Variants in SEMA3A observed in about 807,000 individuals in gnomAD.
The protein encoded by SEMA3A is semaphorin-3A.
A neutral mutation model predicts 97.9 loss-of-function variants in SEMA3A; 29 were observed. That is an observed-to-expected ratio of 0.30 (90% CI 0.22 to 0.40). SEMA3A has a LOEUF of 0.40. Ranked by LOEUF, SEMA3A falls within the 10% of genes least tolerant of loss-of-function variation. The pLI is 1.00. For synonymous variants in SEMA3A, 321 were observed against 323.7 expected (o/e 0.99, Z 0.09); for missense variants, 763 against 951.3 (o/e 0.80, Z 2.60).
intron 1 of SEMA3A, among the ~76,000 whole-genome samples, chr7:84,165,607 C>T (rs757515650): frequency 6.6e-6 from 1 of 152,100 alleles, no homozygotes; most frequent in Non-Finnish European, 1.5e-5. Context: ...GGCTGCAGTG[C>T]AGTGTCGCGA....
chr7:84,156,146 T>C (rs966817504), intron 1 of SEMA3A, among the ~76,000 whole-genome samples: 3 of 152,112 alleles, frequency 2.0e-5, no homozygotes, highest in Admixed American at 6.6e-5. Context: ...CATATCATCC[T>C]TTAAAATCAA....
intron 2 of SEMA3A, among the ~76,000 whole-genome samples, chr7:84,319,405 G>T (rs1180031225): frequency 6.6e-6 from 1 of 151,868 alleles, no homozygotes; most frequent in Non-Finnish European, 1.5e-5. Context: ...ACAGGAAGGG[G>T]GAAGGGGGTA....
intron 1 of SEMA3A, among the ~76,000 whole-genome samples, chr7:84,140,679 T>C (rs1796269545): frequency 6.6e-6 from 1 of 152,126 alleles, no homozygotes; most frequent in Admixed American, 6.6e-5. Flanking sequence ...TATTTGTAAA[T>C]ATTGGAAAGT....
intron 15 of SEMA3A, among the ~76,000 whole-genome samples, chr7:83,972,982 G>A (rs774632936): frequency 3.3e-5 from 5 of 152,066 alleles, no homozygotes; most frequent in Non-Finnish European, 5.9e-5. Context: ...ATTCTAAGAC[G>A]CACACTTCTT....
At chr7:84,051,029 G>A (rs1792612054) in intron 5 of SEMA3A, among the ~76,000 whole-genome samples, 1 of 151,826 alleles carries the variant, frequency 6.6e-6, no homozygotes, top group Non-Finnish European at 1.5e-5. Flanking sequence ...TAGATATGTG[G>A]CATTATTTCG....
chr7:84,181,319 AATAT>A (rs56661080), intron 1 of SEMA3A, among the ~76,000 whole-genome samples: 20 of 144,746 alleles, frequency 1.4e-4, no homozygotes, highest in African/African-American at 4.0e-4. Context: ...TAATGTTACA[AATAT>A]ATATATATAT....
At chr7:84,068,450 C>G (rs1266335589) in intron 4 of SEMA3A, among the ~76,000 whole-genome samples, 1 of 138,228 alleles carries the variant, frequency 7.2e-6, no homozygotes, top group Admixed American at 7.1e-5. Context: ...CTGGAAAAAA[C>G]AAAAGAAAAA....
chr7:84,361,134 T>A (rs1220683499), intron 2 of SEMA3A, among the ~76,000 whole-genome samples: 3 of 152,106 alleles, frequency 2.0e-5, no homozygotes, highest in Non-Finnish European at 4.4e-5. Flanking sequence ...ACAGACTTCA[T>A]TGACTTTGGG....
intron 5 of SEMA3A, among the ~76,000 whole-genome samples, chr7:84,055,690 AGATCGGAGCTGTT>A (rs1334030598): frequency 2.0e-5 from 3 of 152,234 alleles, no homozygotes; most frequent in East Asian, 3.9e-4. Context: ...TCGGAGCTGT[AGATCGGAGCTGTT>A]CCTATTCAGC....
At chr7:84,319,897 A>G (rs1467753764) in intron 2 of SEMA3A, among the ~76,000 whole-genome samples, 1 of 152,152 alleles carries the variant, frequency 6.6e-6, no homozygotes, top group Non-Finnish European at 1.5e-5. Context: ...TTCCTTGTTA[A>G]CACTATATAT....
At chr7:84,196,542 A>C (rs1022292803), upstream of SEMA3A, among the ~76,000 whole-genome samples, 11 of 152,204 alleles carry the variant, frequency 7.2e-5, no homozygotes, top group Admixed American at 1.3e-4. Context: ...TGTATTTGTC[A>C]GTTTCCTCAA....
chr7:84,135,467 G>A (rs2116047558), intron 1 of SEMA3A, among the ~76,000 whole-genome samples: 1 of 152,144 alleles, frequency 6.6e-6, no homozygotes, highest in East Asian at 1.9e-4. Context: ...ACTTAATATG[G>A]TGCAGTCCTA....
chr7:84,447,803 A>C (rs986401355), intron 1 of SEMA3A, among the ~76,000 whole-genome samples: 3 of 152,188 alleles, frequency 2.0e-5, no homozygotes, highest in Non-Finnish European at 4.4e-5. Context: ...GCGGGCTATG[A>C]GGAGAGAAGT....
intron 6 of SEMA3A, among the ~76,000 whole-genome samples, chr7:84,024,520 T>C (rs1241592617): frequency 6.6e-6 from 1 of 151,714 alleles, no homozygotes; most frequent in African/African-American, 2.4e-5. Flanking sequence ...CACTCCAGCC[T>C]GAGCAAGAGA....
intron 3 of SEMA3A, among the ~76,000 whole-genome samples, chr7:84,289,806 A>G (rs1016531599): frequency 4.6e-5 from 7 of 152,154 alleles, no homozygotes; most frequent in Non-Finnish European, 1.0e-4. Context: ...ATGCCCATGT[A>G]AAAGCTTATA....
chr7:84,406,154 A>G (rs959432281), intron 1 of SEMA3A, among the ~76,000 whole-genome samples: 1 of 152,326 alleles, frequency 6.6e-6, no homozygotes, highest in African/African-American at 2.4e-5. Flanking sequence ...ACCACTAGCA[A>G]GACTAATAAA....
intron 1 of SEMA3A, among the ~76,000 whole-genome samples, chr7:84,404,652 G>A (rs539190132): frequency 3.9e-5 from 6 of 152,176 alleles, no homozygotes; most frequent in East Asian, 1.9e-4. Flanking sequence ...GAGAAAGGTC[G>A]GGTTACCCAA....
chr7:84,308,444 G>A (rs1303078976), intron 2 of SEMA3A, among the ~76,000 whole-genome samples: 3 of 152,188 alleles, frequency 2.0e-5, no homozygotes, highest in Admixed American at 6.5e-5. Context: ...ATTATCTGAA[G>A]TTAGTGATTA....
intron 6 of SEMA3A, among the ~76,000 whole-genome samples, chr7:84,032,534 T>G (rs1791798793): frequency 6.6e-6 from 1 of 152,156 alleles, no homozygotes; most frequent in Non-Finnish European, 1.5e-5. Flanking sequence ...GTTTTGATTC[T>G]TGAAAATGCC....
Sources: gnomAD v4.1 joint callset for allele counts (sites outside exome capture counted in the v4.1 genomes callset) on GRCh38, gnomAD v4.1.1 for gene constraint, MANE v1.5 for transcripts, NCBI Gene and HGNC (gene_info 2026-07-23, HGNC 2026-07-21) for gene names.